Variants in KIF5C observed in about 807,000 individuals in gnomAD.
KIF5C encodes the protein kinesin family member 5C.
A neutral mutation model predicts 125.2 loss-of-function variants in KIF5C; 18 were observed. The ratio of observed to expected loss-of-function variants is 0.14; its 90% CI spans 0.10 to 0.21. The LOEUF (loss-of-function observed/expected upper bound fraction) is 0.21, where lower values mean the gene tolerates loss of function less well. Ranked by LOEUF, KIF5C falls within the 10% of genes least tolerant of loss-of-function variation. The pLI is 1.00. For missense variants in KIF5C, 780 were observed against 1,183.8 expected (o/e 0.66, Z 5.01); for synonymous variants, 405 against 434.0 (o/e 0.93, Z 0.83).
At chr2:148,895,629 A>G (rs894378530) in intron 1 of KIF5C, among the ~76,000 whole-genome samples, 1 of 152,186 alleles carries the variant, frequency 6.6e-6, no homozygotes, top group African/African-American at 2.4e-5. Flanking sequence ...CGTAAATTCT[A>G]TTTAATATAA....
intron 19 of KIF5C, among the ~76,000 whole-genome samples, chr2:148,999,331 G>A (rs145926894): frequency 7.3e-4 from 111 of 151,776 alleles, no homozygotes; most frequent in African/African-American, 2.5e-3. Flanking sequence ...GGGAAGCAAG[G>A]CGAAATGATT....
chr2:149,000,875 C>T, intron 21 of KIF5C, 93 bp downstream of exon 21: 1 of 1,572,930 alleles, frequency 6.4e-7, no homozygotes, highest in South Asian at 1.2e-5. Context: ...CCATGCACAC[C>T]TTTCTGTGTA....
chr2:148,922,241 C>T lies in KIF5C; in HGVS notation c.217+14C>T. 1.2e-5 allele frequency: 18 copies of T among 1,549,970 alleles called. No individual in the cohort carries two copies. The highest frequency in any genetic ancestry group is 1.6e-5 in the Non-Finnish European group (18 of 1,124,812). On this transcript the variant is annotated intron_variant, in intron 2 of 25. Transcript: ENST00000435030. ...AAATTGTCAAAGGTAAGTGCTATTT[C>T]TTTATTTCCTCCTGGGCCATTCAGA...
At chr2:148,960,284 T>C (rs1014866121) in intron 10 of KIF5C, among the ~76,000 whole-genome samples, 2 of 152,242 alleles carry the variant, frequency 1.3e-5, no homozygotes, top group African/African-American at 4.8e-5. Context: ...ATCAAGGGAC[T>C]CTTTATGATT....
intron 15 of KIF5C, among the ~76,000 whole-genome samples, chr2:148,988,449 G>A (rs186561893): frequency 1.6e-4 from 25 of 152,262 alleles, no homozygotes; most frequent in Admixed American, 1.4e-3. Context: ...ATTTACATGG[G>A]ATCTAGGCAT....
At chr2:148,878,265 A>G (rs1486818128) in intron 1 of KIF5C, 1 of 152,096 alleles carries the variant, frequency 6.6e-6, no homozygotes, top group Non-Finnish European at 1.5e-5. Flanking sequence ...CAGGGTAACC[A>G]TGATTCTCAC....
chr2:149,011,936 G>A (rs955353245), intron 25 of KIF5C, among the ~76,000 whole-genome samples: 12 of 152,218 alleles, frequency 7.9e-5, no homozygotes, highest in African/African-American at 2.9e-4. Context: ...CCAGGGGTAG[G>A]GGTGGTGAGT....
At chr2:148,926,985 T>G (rs1682026363) in intron 2 of KIF5C, among the ~76,000 whole-genome samples, 1 of 151,974 alleles carries the variant, frequency 6.6e-6, no homozygotes, top group African/African-American at 2.4e-5. Flanking sequence ...CTCCTTTTCT[T>G]ACAAAAAAAG....
chr2:149,016,942 G>T (rs4602190), intron 25 of KIF5C, among the ~76,000 whole-genome samples: 3,249 of 152,222 alleles, frequency 0.021, 91 homozygotes, highest in African/African-American at 0.061. Flanking sequence ...TGAGGATCAT[G>T]TGGGGGCACA....
intron 16 of KIF5C, among the ~76,000 whole-genome samples, chr2:148,992,222 G>A (rs913197730): frequency 2.0e-5 from 3 of 152,068 alleles, no homozygotes; most frequent in African/African-American, 7.2e-5. Context: ...AGCATAATAA[G>A]CAGAAATGTA....
chr2:148,971,454 A>G (rs984329329), intron 11 of KIF5C, among the ~76,000 whole-genome samples: 8 of 152,206 alleles, frequency 5.3e-5, no homozygotes, highest in Admixed American at 1.3e-4. Flanking sequence ...TCCAGTCTGC[A>G]CACTAAGGTT....
At chr2:148,964,010 T>C (rs1682989842) in intron 11 of KIF5C, among the ~76,000 whole-genome samples, 1 of 152,128 alleles carries the variant, frequency 6.6e-6, no homozygotes, top group Admixed American at 6.5e-5. Flanking sequence ...TCCTTAGAAA[T>C]GTACTGTTTT....
intron 10 of KIF5C, among the ~76,000 whole-genome samples, chr2:148,953,335 C>T (rs946238638): frequency 2.0e-5 from 3 of 152,192 alleles, no homozygotes; most frequent in Non-Finnish European, 2.9e-5. Context: ...GGGTTTGGAT[C>T]TGGTTTGCTT....
chr2:148,896,618 C>T (rs1297557650), intron 1 of KIF5C, among the ~76,000 whole-genome samples: 1 of 152,108 alleles, frequency 6.6e-6, no homozygotes, highest in South Asian at 2.1e-4. Flanking sequence ...GGAGGTAATT[C>T]TCTTAGCATC....
intron 7 of KIF5C, among the ~76,000 whole-genome samples, chr2:148,946,013 C>A (rs1284889203): frequency 3.3e-5 from 5 of 152,054 alleles, no homozygotes; most frequent in African/African-American, 1.2e-4. Context: ...GTGTACAAGT[C>A]TTTCTCTTCT....
rs11902479 is a variant in KIF5C at position 148,980,686 on chromosome 2, A to C, written c.1363-669A>C. 2.8e-3 allele frequency among the ~76,000 whole-genome samples: 384 copies of C among 136,142 alleles called. 3 individuals are homozygous for C. The highest frequency in any genetic ancestry group is 0.012 in the African/African-American group (369 of 31,292). 89.3% of individuals were successfully genotyped at this position (136,142 alleles called of 152,430 possible). ...TCTCAGATCCTTTGCTTATTTATTT[A>C]TTTATTTATTTATTTATTTATTTAT... On this transcript the variant is annotated intron_variant, in intron 13 of 25. Coordinates refer to ENST00000435030, the MANE Select transcript of KIF5C (RefSeq NM_004522.3).
intron 1 of KIF5C, among the ~76,000 whole-genome samples, chr2:148,921,148 T>C (rs1681769778): frequency 6.6e-6 from 1 of 152,180 alleles, no homozygotes; most frequent in Non-Finnish European, 1.5e-5. Context: ...AGTAACTCCT[T>C]ATTAAGCATA....
At chr2:149,010,924 G>T (rs565997068) in intron 24 of KIF5C, among the ~76,000 whole-genome samples, 20 of 152,274 alleles carry the variant, frequency 1.3e-4, no homozygotes, top group Non-Finnish European at 2.8e-4. Context: ...GGAAATGAGG[G>T]TGTAGCCAGA....
intron 10 of KIF5C, among the ~76,000 whole-genome samples, chr2:148,957,653 C>G (rs1682830043): frequency 2.0e-5 from 3 of 149,330 alleles, no homozygotes; most frequent in Non-Finnish European, 4.4e-5. Context: ...CAGTATCTCT[C>G]TTAGTAACCC....
Sources: gnomAD v4.1 joint callset for allele counts (sites outside exome capture counted in the v4.1 genomes callset) on GRCh38, gnomAD v4.1.1 for gene constraint, MANE v1.5 for transcripts, NCBI Gene and HGNC (gene_info 2026-07-23, HGNC 2026-07-21) for gene names.